Variants in AGBL1 observed in about 807,000 individuals in gnomAD.
AGBL1 encodes the protein cytosolic carboxypeptidase 4.
AGBL1 carries 130 observed loss-of-function variants against 118.9 expected under a neutral mutation model. The observed-to-expected ratio is 1.09, with a 90% CI of 0.95 to 1.26. The LOEUF (loss-of-function observed/expected upper bound fraction) is 1.26. Among genes scored for constraint, AGBL1 ranks in the 50% most tolerant of loss-of-function variants. AGBL1 has a pLI of 0.00. For missense variants in AGBL1, 1,584 were observed against 1,298.1 expected (o/e 1.22, Z -3.38); for synonymous variants, 555 against 478.9 (o/e 1.16, Z -2.08).
chr15:86,303,704 A>T (rs565544554), intron 17 of AGBL1, among the ~76,000 whole-genome samples: 140 of 152,288 alleles, frequency 9.2e-4, no homozygotes, highest in Non-Finnish European at 1.6e-3. Flanking sequence ...AGTTAATTCT[A>T]TACAGTTATT....
intron 17 of AGBL1, among the ~76,000 whole-genome samples, chr15:86,321,045 G>T (rs1186031469): frequency 6.6e-6 from 1 of 152,060 alleles, no homozygotes; most frequent in Non-Finnish European, 1.5e-5. Flanking sequence ...GTGGTGAGAG[G>T]CTTGTAATTT....
intron 22 of AGBL1, among the ~76,000 whole-genome samples, chr15:86,737,877 G>A (rs1467279861): frequency 6.6e-6 from 1 of 151,994 alleles, no homozygotes; most frequent in Non-Finnish European, 1.5e-5. Context: ...GATAAACATA[G>A]ATGCAAAAAT....
chr15:86,716,076 AAAAAAAG>A (rs1327609173), intron 22 of AGBL1, among the ~76,000 whole-genome samples: 2 of 152,052 alleles, frequency 1.3e-5, no homozygotes, highest in Non-Finnish European at 2.9e-5. Flanking sequence ...AAAAAAAAAA[AAAAAAAG>A]AAATCAGTTA....
intron 18 of AGBL1, among the ~76,000 whole-genome samples, chr15:86,416,855 T>G (rs1052149707): frequency 6.6e-6 from 1 of 152,258 alleles, no homozygotes; most frequent in Non-Finnish European, 1.5e-5. Flanking sequence ...TTCGATGCTA[T>G]GTAAAAAGTT....
At chr15:86,081,539 T>C (rs973500510) in intron 1 of AGBL1, among the ~76,000 whole-genome samples, 5 of 152,228 alleles carry the variant, frequency 3.3e-5, no homozygotes, top group African/African-American at 1.2e-4. Context: ...ATCTGATTCA[T>C]GCAAGGTGAG....
rs529392600 is a variant in AGBL1 at position 86,315,680 on chromosome 15, C to T, written c.2374+20272C>T. On this transcript the variant is annotated intron_variant, in intron 17 of 22. Transcript: ENST00000614907. ...TTGCAGTGAGCTGAGATCACACCAC[C>T]GCACTCCAGCCTGGGTGACAGAGTG... Among the ~76,000 whole-genome samples, 9 of 148,304 alleles carry T rather than the reference C, an allele frequency of 6.1e-5. No homozygotes were observed. In the South Asian group the frequency reaches 1.1e-3, roughly 18 times the overall value.
At chr15:86,886,655 C>T (rs979133936) in intron 22 of AGBL1, among the ~76,000 whole-genome samples, 1 of 152,136 alleles carries the variant, frequency 6.6e-6, no homozygotes, top group African/African-American at 2.4e-5. Context: ...TATTTCTAAT[C>T]TGCATGATCA....
rs1024907905 is a variant in AGBL1, at chr15:86,405,353, A to G, written c.2555+7807A>G. 1.4e-4 allele frequency among the ~76,000 whole-genome samples: 19 copies of G among 140,640 alleles called. No homozygotes were observed. In the South Asian group the frequency reaches 2.6e-3, roughly 19 times the overall value. 92.3% of individuals were successfully genotyped at this position (140,640 alleles called of 152,430 possible). ...AGTGAAACCCCGTCTCTATTAAAAA[A>G]TACCAAAAAAAAATTAGCCAGCTGT... is the stretch of plus-strand genomic sequence containing the variant. On this transcript the variant is annotated intron_variant, in intron 18 of 22. Transcript: ENST00000614907.
intron 22 of AGBL1, among the ~76,000 whole-genome samples, chr15:86,881,106 C>T (rs1007239560): frequency 3.9e-5 from 6 of 152,294 alleles, no homozygotes; most frequent in Admixed American, 2.6e-4. Flanking sequence ...CACCTCCTTC[C>T]TCACCAGACA....
chr15:86,586,696 T>C (rs2084253518), intron 21 of AGBL1, among the ~76,000 whole-genome samples: 2 of 152,112 alleles, frequency 1.3e-5, no homozygotes, highest in African/African-American at 4.8e-5. Context: ...CATAAATAAA[T>C]TCCTGGGAGG....
intron 18 of AGBL1, among the ~76,000 whole-genome samples, chr15:86,402,054 C>A (rs1403624964): frequency 6.6e-6 from 1 of 152,034 alleles, no homozygotes; most frequent in South Asian, 2.1e-4. Context: ...TGGTTATTTT[C>A]ACAATATTGA....
At chr15:86,536,091 T>G (rs1396917378) in intron 19 of AGBL1, among the ~76,000 whole-genome samples, 1 of 152,200 alleles carries the variant, frequency 6.6e-6, no homozygotes, top group Non-Finnish European at 1.5e-5. Flanking sequence ...TTTGGAATTG[T>G]TCCCATGCTA....
chr15:86,151,331 C>T (rs539335576), intron 3 of AGBL1, among the ~76,000 whole-genome samples: 37 of 149,894 alleles, frequency 2.5e-4, no homozygotes, highest in Non-Finnish European at 4.6e-4. Flanking sequence ...TTATCCACCA[C>T]AATCAAGTCA....
intron 24 of AGBL1, among the ~76,000 whole-genome samples, chr15:87,001,070 A>T (rs1480233367): frequency 7.8e-6 from 1 of 127,868 alleles, no homozygotes; most frequent in African/African-American, 3.1e-5. Flanking sequence ...ATTTTTGTAC[A>T]TTGATTTTGT....
chr15:86,800,708 C>T lies in AGBL1; in HGVS notation c.3159-106379C>T, dbSNP rs995977611. ...ATGCTAGCAAGCAACCACCACCTGG[C>T]AAGTTCATTGCAGAACAGTTTTGGG... is the stretch of plus-strand genomic sequence containing the variant. On this transcript the variant is annotated intron_variant, in intron 22 of 22. Transcript: ENST00000614907. Among the ~76,000 whole-genome samples the T allele has an allele frequency of 2.0e-5, 3 of 152,144 alleles. No individual in the cohort carries two copies. The East Asian group carries it at 5.8e-4, about 29-fold the overall frequency.
intron 22 of AGBL1, among the ~76,000 whole-genome samples, chr15:86,818,765 G>T (rs909283944): frequency 1.9e-4 from 29 of 152,168 alleles, no homozygotes; most frequent in African/African-American, 6.5e-4. Context: ...GCTCAGCATA[G>T]TAATTTTGGA....
chr15:86,273,115 A>G (rs2079187835), intron 15 of AGBL1, among the ~76,000 whole-genome samples: 1 of 151,618 alleles, frequency 6.6e-6, no homozygotes, highest in South Asian at 2.1e-4. Context: ...AACAGATTGG[A>G]CAAACATAAC....
At chr15:86,779,039 G>T (rs55838026) in intron 22 of AGBL1, among the ~76,000 whole-genome samples, 2 of 152,080 alleles carry the variant, frequency 1.3e-5, no homozygotes, top group Non-Finnish European at 2.9e-5. Context: ...CTGACTTCCC[G>T]CAACAGCTAA....
chr15:86,244,128 T>TA (rs146217051), intron 6 of AGBL1, among the ~76,000 whole-genome samples: 2 of 151,186 alleles, frequency 1.3e-5, no homozygotes, highest in South Asian at 2.1e-4. Flanking sequence ...TTTAGAAACT[T>TA]AAAAAAAATT....
Sources: gnomAD v4.1 joint callset for allele counts (sites outside exome capture counted in the v4.1 genomes callset) on GRCh38, gnomAD v4.1.1 for gene constraint, MANE v1.5 for transcripts, NCBI Gene and HGNC (gene_info 2026-07-23, HGNC 2026-07-21) for gene names.